The following RBP5 variants were observed in gnomAD, a reference collection of about 807,000 sequenced individuals.
The protein encoded by RBP5 is retinol binding protein 5.
In RBP5, 12 loss-of-function variants were observed where a neutral mutation model predicts 17.8. The observed-to-expected ratio is 0.67, with a 90% confidence interval of 0.43 to 1.09. The LOEUF (loss-of-function observed/expected upper bound fraction) is 1.09. Ranked by LOEUF, RBP5 falls within the 50% of genes least tolerant of loss-of-function variation. The probability of loss-of-function intolerance (pLI) is 0.00; values close to 1 mark genes in which losing one functional copy is unlikely to be tolerated. For synonymous variants in RBP5, 64 were observed against 68.1 expected, an observed-to-expected ratio of 0.94 and a Z score of 0.30; for missense variants, 172 against 169.4, an observed-to-expected ratio of 1.02 and a Z score of -0.09.
At chr12:7,121,818 A>C (rs903133548), downstream of RBP5, 8 of 154,986 alleles carry the variant, frequency 5.2e-5, no homozygotes, top group Admixed American at 5.2e-4. Flanking sequence ...TATTCCATCC[A>C]TATGGAAATA....
upstream of RBP5, chr12:7,129,553 C>T (rs144896790): frequency 7.0e-3 from 6,583 of 934,362 alleles, 40 homozygotes; most frequent in Non-Finnish European, 7.2e-3. The surrounding 1 kb of genome is among the most constrained non-coding windows in gnomAD (Gnocchi z 5.5). Context: ...GCTTGGGACC[C>T]AGGGGGTTTT....
downstream of RBP5, among the ~76,000 whole-genome samples, chr12:7,121,522 G>A (rs1253577654): frequency 6.6e-6 from 1 of 152,218 alleles, no homozygotes; most frequent in Admixed American, 6.5e-5. Context: ...GTGGGCAGTG[G>A]GGAGGGGTAC....
Position 7,123,984 on chromosome 12 carries a change from G to C in RBP5, c.*137C>G. The C allele has an allele frequency of 3.9e-6, 3 of 760,588 alleles. No homozygotes were observed. The East Asian group carries it at 7.5e-5, about 19-fold the overall frequency. The allele number at this position is 760,588 out of a possible 1,614,324, so 47.1% of individuals were successfully genotyped here. On this transcript the variant is annotated 3_prime_UTR_variant, in exon 4 of 4. Transcript: ENST00000266560. The stretch of plus-strand genomic sequence containing the variant: ...GCAAGTTACAGATTAACACGGGGAG[G>C]GGTGAGGAGGGACCCAGAGGGAGGA...
chr12:7,128,688 G>A lies in RBP5; in HGVS notation c.73+15C>T. On this transcript the variant is annotated intron_variant, in intron 1 of 3. Coordinates refer to ENST00000266560, the MANE Select transcript of RBP5 (RefSeq NM_031491.4). This position sits in a 1 kb window ranked among gnomAD's most constrained non-coding sequence, Gnocchi z 5.3. Reference sequence around the variant, plus strand: ...GAAAGGGAGTGACAGGGGTCTGGGAGGGCGAGGCCATTACTTAGGGCTTGC... The same window carrying A: ...GAAAGGGAGTGACAGGGGTCTGGGAAGGCGAGGCCATTACTTAGGGCTTGC... 1.9e-6 allele frequency: 3 copies of A among 1,581,820 alleles called. No individual in the cohort carries two copies. The highest frequency in any genetic ancestry group is 2.6e-6 in the Non-Finnish European group (3 of 1,161,252).
intron 2 of RBP5, among the ~76,000 whole-genome samples, chr12:7,126,881 C>T (rs2135784438): frequency 6.6e-6 from 1 of 152,276 alleles, no homozygotes; most frequent in East Asian, 1.9e-4. Context: ...TCTTGGCTCA[C>T]TGCAACCTCT....
At chr12:7,126,798 CCT>C (rs1421458309) in intron 2 of RBP5, among the ~76,000 whole-genome samples, 1 of 151,912 alleles carries the variant, frequency 6.6e-6, no homozygotes, top group African/African-American at 2.4e-5. Flanking sequence ...CATACATCCC[CCT>C]GTGTACTTTA....
chr12:7,115,852 T>G (rs1182759192), exon 4 of RBP5: 1 of 152,362 alleles, frequency 6.6e-6, no homozygotes, highest in African/African-American at 2.4e-5. Flanking sequence ...AGCAAGGACC[T>G]TCTTCACATG....
downstream of RBP5, among the ~76,000 whole-genome samples, chr12:7,121,531 A>G (rs981300675): frequency 3.9e-5 from 6 of 152,182 alleles, no homozygotes; most frequent in Non-Finnish European, 5.9e-5. Flanking sequence ...GGGGAGGGGT[A>G]CACGGCTAGA....
Position 7,128,464 on chromosome 12 carries a change from G to A in RBP5, c.74-46C>T, listed in dbSNP as rs369210875. On this transcript the variant is annotated intron_variant, in intron 1 of 3. Coordinates refer to ENST00000266560, the MANE Select transcript of RBP5 (RefSeq NM_031491.4). This position sits in a 1 kb window ranked among gnomAD's most constrained non-coding sequence, Gnocchi z 5.3. ...TAGGGGTGCTGCTAGCCAGCCAGGA[G>A]CTCCTCTGCCTGCAGCAGCCCCTCA... The A allele has an allele frequency of 1.0e-4, 166 of 1,593,180 alleles. No homozygotes were observed. Among genetic ancestry groups the A allele is most frequent in the Non-Finnish European group, 1.3e-4 (157 of 1,163,640 alleles).
Position 7,124,847 on chromosome 12 carries a change from C to T in RBP5, c.253-117G>A. The stretch of plus-strand genomic sequence containing the variant: ...CACAGCAGATACTGTCTGCTGCAGC[C>T]CCTCCACTGAGCGAGGGAGCTGCTC... On this transcript the variant is annotated intron_variant, in intron 2 of 3. Coordinates refer to ENST00000266560, the MANE Select transcript of RBP5 (RefSeq NM_031491.4). This position sits in a 1 kb window ranked among gnomAD's most constrained non-coding sequence, Gnocchi z 5.3. The T allele has an allele frequency of 3.1e-6, 2 of 654,090 alleles. No homozygotes were observed. 40.5% of individuals were successfully genotyped at this position (654,090 alleles called of 1,614,324 possible).
chr12:7,128,066 C>T lies in RBP5; in HGVS notation c.252+174G>A, dbSNP rs1939204355. Among the ~76,000 whole-genome samples the T allele has an allele frequency of 6.6e-6, 1 of 152,178 alleles. No homozygotes were observed. The highest frequency in any genetic ancestry group is 1.5e-5 in the Non-Finnish European group (1 of 68,018). On this transcript the variant is annotated intron_variant, in intron 2 of 3. Transcript: ENST00000266560. This position sits in a 1 kb window ranked among gnomAD's most constrained non-coding sequence, Gnocchi z 5.3. ...GAAGTGGGAGAGAGACAGGGAGCAC[C>T]AGGACCTGTTAGTTCTGGAGACTGG...
upstream of RBP5, chr12:7,129,029 G>A (rs747899809): frequency 2.3e-6 from 1 of 440,626 alleles, no homozygotes; most frequent in South Asian, 2.2e-5. This position sits in a 1 kb window ranked among gnomAD's most constrained non-coding sequence, Gnocchi z 5.5. Flanking sequence ...ATTTGGCAAA[G>A]TTGCGCCTGA....
At chr12:7,118,858 T>A (rs1168783056), downstream of RBP5, 2 of 152,428 alleles carry the variant, frequency 1.3e-5, no homozygotes, top group African/African-American at 2.4e-5. Flanking sequence ...TGTGCAAGGA[T>A]GATATGCAAA....
At chr12:7,121,081 G>A (rs1037846529), downstream of RBP5, 3 of 152,088 alleles carry the variant, frequency 2.0e-5, no homozygotes, top group Admixed American at 6.6e-5. Flanking sequence ...GGCCAGGTGG[G>A]AGCAGCAGGC....
At chr12:7,125,094 A>ACAGG (rs2135782374) in intron 2 of RBP5, among the ~76,000 whole-genome samples, 1 of 152,158 alleles carries the variant, frequency 6.6e-6, no homozygotes, top group Admixed American at 6.5e-5. Context: ...TTTAGTAGAG[A>ACAGG]CAGGGTTTCT....
rs759170059 is a variant in RBP5, at chr12:7,128,795, G to T, written c.-20C>A. On this transcript the variant is annotated 5_prime_UTR_variant, in exon 1 of 4. It adds an upstream start codon to the 5' untranslated region. Transcript: ENST00000266560. The surrounding 1 kb of genome is among the most constrained non-coding windows in gnomAD (Gnocchi z 5.3). ...AGGCATTGTGTGGATGAAGGTTTCA[G>T]GAGAATGCAGGAGACAGGGTGAGGA... is the stretch of plus-strand genomic sequence containing the variant. 2 of 1,569,332 alleles carry T rather than the reference G, an allele frequency of 1.3e-6. No individual in the cohort carries two copies. Among genetic ancestry groups the T allele is most frequent in the East Asian group, 4.6e-5 (2 of 43,536 alleles).
intron 2 of RBP5, among the ~76,000 whole-genome samples, chr12:7,125,370 T>C (rs1183369584): frequency 2.6e-5 from 4 of 152,146 alleles, no homozygotes; most frequent in African/African-American, 9.7e-5. Flanking sequence ...AGAGGGACTT[T>C]TGAGAAAAAA....
At chr12:7,119,327 T>C (rs1939048488), downstream of RBP5, among the ~76,000 whole-genome samples, 1 of 151,368 alleles carries the variant, frequency 6.6e-6, no homozygotes, top group African/African-American at 2.4e-5. Flanking sequence ...ATTGAAGCCT[T>C]CTCTCCATGG....
At chr12:7,121,899 G>A (rs1939086818), downstream of RBP5, 1 of 154,864 alleles carries the variant, frequency 6.5e-6, no homozygotes, top group African/African-American at 2.4e-5. Context: ...CCACAACTTT[G>A]TGTGTCCCTG....
Sources: allele counts gnomAD v4.1 joint callset (sites outside exome capture counted in the v4.1 genomes callset), GRCh38; gene constraint gnomAD v4.1.1; non-coding constraint Gnocchi (gnomAD v3.1); transcripts MANE v1.5; gene names NCBI Gene and HGNC (gene_info 2026-07-23, HGNC 2026-07-21).